The following PDS5B variants were observed in gnomAD, a reference collection of about 807,000 sequenced individuals.
The protein encoded by PDS5B is PDS5 cohesin associated factor B.
A neutral mutation model predicts 184.1 loss-of-function variants in PDS5B; 51 were observed. That is an observed-to-expected ratio of 0.28 (90% CI 0.22 to 0.35). The LOEUF (loss-of-function observed/expected upper bound fraction) is 0.35, where lower values mean the gene tolerates loss of function less well. PDS5B is among the 10% of genes least tolerant of loss of function. The pLI is 1.00. For synonymous variants in PDS5B, 566 were observed against 569.2 expected, an observed-to-expected ratio of 0.99 and a Z score of 0.08; for missense variants, 1,180 against 1,723.3, an observed-to-expected ratio of 0.68 and a Z score of 5.58.
At chr13:32,634,600 T>TTTA (rs2058509792) in intron 1 of PDS5B, among the ~76,000 whole-genome samples, 2 of 143,844 alleles carry the variant, frequency 1.4e-5, no homozygotes, top group Non-Finnish European at 1.5e-5. Flanking sequence ...TTTTTTTTTT[T>TTTA]GAGAACAGTG....
chr13:32,750,847 C>CTGTGTGTGTGTGTG (rs71194534), intron 24 of PDS5B, among the ~76,000 whole-genome samples: 1,703 of 143,482 alleles, frequency 0.012, 22 homozygotes, highest in African/African-American at 0.029. Flanking sequence ...CGGCCTCCCT[C>CTGTGTGTGTGTGTG]TGTGTGTGTG....
At chr13:32,745,915 T>C in intron 23 of PDS5B, 62 bp from the exon 24 acceptor site, 1 of 1,331,244 alleles carries the variant, frequency 7.5e-7, no homozygotes, top group Non-Finnish European at 1.1e-6. Context: ...AAATTAGATG[T>C]ACAGAAGATT....
At chr13:32,703,425 G>A (rs908324641) in intron 17 of PDS5B, among the ~76,000 whole-genome samples, 1 of 152,146 alleles carries the variant, frequency 6.6e-6, no homozygotes, top group Non-Finnish European at 1.5e-5. Context: ...GATCTAGAAG[G>A]TATGTCAAAA....
Position 32,602,664 on chromosome 13 carries a change from A to G in PDS5B, c.-20+16071A>G, listed in dbSNP as rs141837527. On this transcript the variant is annotated intron_variant, in intron 1 of 34. Coordinates refer to ENST00000315596, the MANE Select transcript of PDS5B (RefSeq NM_015032.4). ...ATTTCTAGTTCTAGATCCTTGAGGA[A>G]TCGCCACACTGTCTTCCACAATGGT... Among the ~76,000 whole-genome samples, 1,266 of 152,326 alleles carry G rather than the reference A, an allele frequency of 8.3e-3. 18 individuals carry two copies. Among genetic ancestry groups the G allele is most frequent in the African/African-American group, 0.029 (1,196 of 41,570 alleles).
intron 10 of PDS5B, among the ~76,000 whole-genome samples, chr13:32,679,877 G>A (rs931260158): frequency 8.7e-6 from 1 of 115,026 alleles, no homozygotes; most frequent in South Asian, 3.0e-4. Context: ...TTTCCTCTTC[G>A]TCTGTGAGTG....
intron 1 of PDS5B, among the ~76,000 whole-genome samples, chr13:32,642,569 GTGTATAT>G (rs1370277372): frequency 6.6e-6 from 1 of 152,132 alleles, no homozygotes; most frequent in African/African-American, 2.4e-5. Flanking sequence ...AAAACAACCT[GTGTATAT>G]TCACAGAGGT....
At chr13:32,671,849 TC>T (rs1315274301) in intron 7 of PDS5B, among the ~76,000 whole-genome samples, 1 of 152,338 alleles carries the variant, frequency 6.6e-6, no homozygotes, top group East Asian at 1.9e-4. Context: ...GTATAAAGAA[TC>T]CTTGACTCCT....
intron 20 of PDS5B, among the ~76,000 whole-genome samples, chr13:32,733,860 T>C (rs1267053084): frequency 1.3e-5 from 2 of 152,090 alleles, no homozygotes; most frequent in Admixed American, 1.3e-4. Flanking sequence ...TTTATTCATA[T>C]ACAAGTAAGG....
chr13:32,676,253 G>A (rs1012759842), intron 9 of PDS5B, among the ~76,000 whole-genome samples: 3 of 152,044 alleles, frequency 2.0e-5, no homozygotes, highest in African/African-American at 7.3e-5. Context: ...CTGAAAATAC[G>A]TCTTTGGGAG....
intron 1 of PDS5B, among the ~76,000 whole-genome samples, chr13:32,597,017 T>C (rs2057885786): frequency 6.6e-6 from 1 of 152,070 alleles, no homozygotes; most frequent in South Asian, 2.1e-4. Context: ...TTTTGTTTTA[T>C]GGATTGTGCT....
intron 16 of PDS5B, 105 bp from the exon 17 acceptor site, chr13:32,701,218 C>T: frequency 5.2e-6 from 3 of 577,002 alleles, no homozygotes; most frequent in South Asian, 2.3e-5. Context: ...TTTGTTTATT[C>T]CAGCGTCAGT....
rs1242798460 is a variant in PDS5B at position 32,769,850 on chromosome 13, A to G, written c.3625-271A>G. ...GAGATAGCTCTTCACTAAAATTTAT[A>G]ATTTAGTAAGATACTGATCTTGAGA... On this transcript the variant is annotated intron_variant, in intron 31 of 34. Transcript: ENST00000315596. 2.0e-5 allele frequency among the ~76,000 whole-genome samples: 3 copies of G among 152,196 alleles called. No individual in the cohort carries two copies. In the East Asian group the frequency reaches 5.8e-4, roughly 29 times the overall value.
chr13:32,621,090 A>G (rs145305124), intron 1 of PDS5B, among the ~76,000 whole-genome samples: 1,561 of 152,362 alleles, frequency 0.01, 12 homozygotes, highest in Middle Eastern at 0.017. Flanking sequence ...GTCTTTTTAA[A>G]TACATTGCTG....
chr13:32,710,052 A>G lies in PDS5B; in HGVS notation c.2069A>G (p.Gln690Arg). ...GAAAAAGTAGCAGAAGCTGCACTAC[A>G]AATTTTCAAAAACACAGGAAGCAAA... ...DDEKVAEAAL[Q>R]IFKNTGSKIE... The change falls in exon 19 of 35, where the codon CAA becomes CGA. Residue 690 changes from glutamine (Q) to arginine (R), a missense_variant. Around this residue, in one of 11 missense-constraint regions of PDS5B, gnomAD observed 475 missense variants for 691.5 expected, o/e 0.69. Coordinates refer to ENST00000315596, the MANE Select transcript of PDS5B (RefSeq NM_015032.4). The G allele has an allele frequency of 6.5e-7, 1 of 1,536,002 alleles. No homozygotes were observed. The highest frequency in any genetic ancestry group is 8.9e-7 in the Non-Finnish European group (1 of 1,129,592).
chr13:32,637,796 C>T (rs2058587192), intron 1 of PDS5B, among the ~76,000 whole-genome samples: 1 of 152,110 alleles, frequency 6.6e-6, no homozygotes, highest in Admixed American at 6.6e-5. Context: ...TATCATACTG[C>T]TGAGATGAAT....
intron 1 of PDS5B, among the ~76,000 whole-genome samples, chr13:32,610,236 TTA>T (rs1229768837): frequency 1.3e-5 from 2 of 152,188 alleles, no homozygotes; most frequent in East Asian, 3.8e-4. Flanking sequence ...ACTTGGGAAG[TTA>T]AGGGAGCCCA....
chr13:32,652,051 AT>A, intron 3 of PDS5B, 44 bp downstream of exon 3: 1 of 1,319,736 alleles, frequency 7.6e-7, no homozygotes, highest in Non-Finnish European at 1.1e-6. Context: ...CGATACTTTG[AT>A]TTATCTTTCT....
At chr13:32,768,902 C>T (rs1328447514) in intron 31 of PDS5B, among the ~76,000 whole-genome samples, 1 of 144,240 alleles carries the variant, frequency 6.9e-6, no homozygotes, top group South Asian at 2.2e-4. Flanking sequence ...GAGATTGAGA[C>T]CATCCTGGCT....
intron 10 of PDS5B, 62 bp from the exon 11 acceptor site, chr13:32,683,816 G>T (rs1951314977): frequency 1.8e-6 from 2 of 1,087,530 alleles, no homozygotes; most frequent in Non-Finnish European, 2.8e-6. Flanking sequence ...AGGGTATCAT[G>T]CAGTGTTTTA....
Sources: gnomAD v4.1 joint callset for allele counts (sites outside exome capture counted in the v4.1 genomes callset) on GRCh38, gnomAD v4.1.1 for gene constraint, gnomAD v4.1.1 regional missense constraint, MANE v1.5 for transcripts, NCBI Gene and HGNC (gene_info 2026-07-23, HGNC 2026-07-21) for gene names.